TENM2: variants seen among roughly 807,000 people sequenced by gnomAD.
The protein encoded by TENM2 is teneurin transmembrane protein 2.
Under a neutral mutation model 245.2 loss-of-function variants are expected in TENM2, and 52 were observed. That is an observed-to-expected ratio of 0.21 (90% CI 0.17 to 0.27). The LOEUF (loss-of-function observed/expected upper bound fraction) is 0.27, where lower values mean the gene tolerates loss of function less well. Among genes scored for constraint, TENM2 ranks in the 10% least tolerant of loss-of-function variants. The pLI, the probability that TENM2 is intolerant of heterozygous loss-of-function variation, is 1.00. For synonymous variants in TENM2, 1,363 were observed against 1,438.9 expected (o/e 0.95, Z 1.19); for missense variants, 3,046 against 3,666.8 (o/e 0.83, Z 4.37).
Position 167,618,118 on chromosome 5 carries a change from A to T in TENM2, c.502+242645A>T, listed in dbSNP as rs534741906. ...CCCTCAAATGGGAATCAAAGCCATC[A>T]GCAACATACGATGGTGATAATAATG... On this transcript the variant is annotated intron_variant, in intron 2 of 28. Coordinates refer to ENST00000518659, the Ensembl canonical transcript of TENM2. Among the ~76,000 whole-genome samples the T allele has an allele frequency of 3.3e-5, 5 of 152,296 alleles. No homozygotes were observed. The South Asian group carries it at 8.3e-4, about 25-fold the overall frequency.
At chr5:167,312,044 G>A (rs1756063312) in intron 1 of TENM2, among the ~76,000 whole-genome samples, 1 of 152,086 alleles carries the variant, frequency 6.6e-6, no homozygotes, top group Non-Finnish European at 1.5e-5. Context: ...TACATCCTAG[G>A]AAATCTGGAG....
At chr5:168,189,677 C>G (rs1245881331) in intron 13 of TENM2, among the ~76,000 whole-genome samples, 1 of 152,172 alleles carries the variant, frequency 6.6e-6, no homozygotes, top group Non-Finnish European at 1.5e-5. Context: ...GTCAGCAGTT[C>G]CCTTCCTGGC....
intron 2 of TENM2, among the ~76,000 whole-genome samples, chr5:167,732,488 A>G (rs1760506459): frequency 6.6e-6 from 1 of 152,128 alleles, no homozygotes; most frequent in African/African-American, 2.4e-5. Flanking sequence ...TTTTAAGAAA[A>G]CTTAAAAGAT....
At chr5:167,584,535 C>G (rs1180974428) in intron 2 of TENM2, among the ~76,000 whole-genome samples, 4 of 152,086 alleles carry the variant, frequency 2.6e-5, no homozygotes, top group Non-Finnish European at 5.9e-5. Flanking sequence ...AGGGGAGTTG[C>G]AAAGGGAGAA....
At chr5:167,619,707 C>CATGCA (rs1554091045) in intron 2 of TENM2, among the ~76,000 whole-genome samples, 3 of 152,162 alleles carry the variant, frequency 2.0e-5, no homozygotes. Context: ...ATACTTAATG[C>CATGCA]ATGCAATGTT....
the TENM2 span, among the ~76,000 whole-genome samples, chr5:167,215,594 C>T: frequency 9.2e-5 from 14 of 152,102 alleles, no homozygotes; most frequent in Non-Finnish European, 1.6e-4. Flanking sequence ...AAACCATTTC[C>T]TGGGATCTAA....
intron 2 of TENM2, among the ~76,000 whole-genome samples, chr5:167,402,452 C>G (rs1366550093): frequency 1.3e-5 from 2 of 152,026 alleles, no homozygotes; most frequent in Non-Finnish European, 2.9e-5. Flanking sequence ...TAATAATACA[C>G]AGAACATAAT....
intron 2 of TENM2, among the ~76,000 whole-genome samples, chr5:167,595,796 G>C (rs74344519): frequency 2.4e-4 from 37 of 152,284 alleles, no homozygotes; most frequent in Non-Finnish European, 4.0e-4. Context: ...TGTACAAATA[G>C]ATCCTTGTTT....
intron 2 of TENM2, among the ~76,000 whole-genome samples, chr5:167,779,104 A>G (rs1041159095): frequency 4.6e-5 from 7 of 152,246 alleles, no homozygotes; most frequent in African/African-American, 7.2e-5. Flanking sequence ...AAGTGAAAAG[A>G]AAAGTATTCT....
At chr5:167,009,448 G>A in the TENM2 span, among the ~76,000 whole-genome samples, 2 of 152,018 alleles carry the variant, frequency 1.3e-5, no homozygotes, top group Non-Finnish European at 2.9e-5. Context: ...ATAATTAACA[G>A]GCTTTTGTGA....
chr5:167,107,354 C>T, the TENM2 span, among the ~76,000 whole-genome samples: 13 of 151,996 alleles, frequency 8.6e-5, no homozygotes, highest in African/African-American at 3.1e-4. Flanking sequence ...ACAAGTTGTA[C>T]GTGGTGGAGT....
intron 12 of TENM2, among the ~76,000 whole-genome samples, chr5:168,147,117 C>T (rs1184224900): frequency 6.6e-6 from 1 of 152,274 alleles, no homozygotes; most frequent in Non-Finnish European, 1.5e-5. Flanking sequence ...TTTAAGTTGA[C>T]TTTCTATCAG....
chr5:167,290,447 C>T (rs1364521033), intron 1 of TENM2, among the ~76,000 whole-genome samples: 1 of 152,172 alleles, frequency 6.6e-6, no homozygotes, highest in Non-Finnish European at 1.5e-5. Context: ...GTTATTGTCA[C>T]TTTAACCCTA....
intron 3 of TENM2, among the ~76,000 whole-genome samples, chr5:167,909,701 A>G (rs1309410643): frequency 6.6e-6 from 1 of 152,266 alleles, no homozygotes; most frequent in East Asian, 1.9e-4. Context: ...CAAAGTTTAG[A>G]GGACTGTATT....
chr5:167,213,492 C>T, the TENM2 span, among the ~76,000 whole-genome samples: 3 of 152,214 alleles, frequency 2.0e-5, no homozygotes, highest in South Asian at 6.2e-4. Context: ...CCCAAAGGCC[C>T]CACCTAGTAA....
intron 12 of TENM2, among the ~76,000 whole-genome samples, chr5:168,150,227 C>T (rs759428309): frequency 1.3e-5 from 2 of 152,130 alleles, no homozygotes; most frequent in Non-Finnish European, 2.9e-5. Context: ...AATAGGTGCT[C>T]GATAAATAAT....
At chr5:168,065,877 G>A (rs1266001849) in intron 7 of TENM2, among the ~76,000 whole-genome samples, 1 of 140,902 alleles carries the variant, frequency 7.1e-6, no homozygotes, top group Non-Finnish European at 1.5e-5. Context: ...TCTTGTTTAT[G>A]CTACACCATT....
intron 2 of TENM2, among the ~76,000 whole-genome samples, chr5:167,748,938 A>G (rs1197714834): frequency 2.6e-5 from 4 of 151,986 alleles, no homozygotes; most frequent in Admixed American, 6.6e-5. Context: ...ATATTGGTGG[A>G]GTTTTGCTAT....
At chr5:167,719,141 TA>T (rs1231274602) in intron 2 of TENM2, among the ~76,000 whole-genome samples, 1 of 152,170 alleles carries the variant, frequency 6.6e-6, no homozygotes, top group Non-Finnish European at 1.5e-5. Context: ...GTTGGGAATG[TA>T]GTTAAAGTAG....
Sources: allele counts gnomAD v4.1 joint callset (sites outside exome capture counted in the v4.1 genomes callset), GRCh38; gene constraint gnomAD v4.1.1; transcripts MANE v1.5; gene names NCBI Gene and HGNC (gene_info 2026-07-23, HGNC 2026-07-21).